Variants in USP10 observed in about 807,000 individuals in gnomAD.
USP10 encodes ubiquitin specific peptidase 10.
Under a neutral mutation model 84.5 loss-of-function variants are expected in USP10, and 22 were observed. The observed-to-expected ratio is 0.26, with a 90% CI of 0.19 to 0.37. USP10 has a LOEUF of 0.37. Among genes scored for constraint, USP10 ranks in the 10% least tolerant of loss-of-function variants. The pLI is 1.00. For synonymous variants in USP10, 454 were observed against 387.6 expected (o/e 1.17, Z -2.01); for missense variants, 1,019 against 998.9 (o/e 1.02, Z -0.27).
chr16:84,735,697 C>A (rs561574474), intron 2 of USP10, among the ~76,000 whole-genome samples: 1 of 152,230 alleles, frequency 6.6e-6, no homozygotes, highest in Non-Finnish European at 1.5e-5. Context: ...GAAGACGTGA[C>A]TGTGTCTCAT....
chr16:84,765,682 C>T (rs1210193424), intron 10 of USP10, among the ~76,000 whole-genome samples: 2 of 152,116 alleles, frequency 1.3e-5, no homozygotes, highest in African/African-American at 2.4e-5. Flanking sequence ...CATCCACAGA[C>T]AGTTGTTTCC....
intron 2 of USP10, among the ~76,000 whole-genome samples, chr16:84,739,795 A>G (rs550564445): frequency 1.3e-5 from 2 of 152,330 alleles, no homozygotes; most frequent in Non-Finnish European, 2.9e-5. Context: ...CTGTGTTAAA[A>G]AGGGAGCTGC....
intron 6 of USP10, among the ~76,000 whole-genome samples, 170 bp downstream of exon 6, chr16:84,759,642 A>G (rs557388361): frequency 1.3e-5 from 2 of 152,170 alleles, no homozygotes; most frequent in African/African-American, 4.8e-5. Context: ...CCAGAAATGG[A>G]ATTGGAGCAT....
At chr16:84,753,669 C>G (rs1009337305) in intron 4 of USP10, among the ~76,000 whole-genome samples, 3 of 152,354 alleles carry the variant, frequency 2.0e-5, no homozygotes, top group Non-Finnish European at 4.4e-5. Flanking sequence ...TTCTCAGGAG[C>G]TGTCATTTAG....
intron 11 of USP10, among the ~76,000 whole-genome samples, chr16:84,771,622 A>G (rs530168930): frequency 6.6e-6 from 1 of 152,178 alleles, no homozygotes; most frequent in Non-Finnish European, 1.5e-5. Flanking sequence ...TAATCTCAGC[A>G]CTTTGGGAGG....
At chr16:84,778,087 ATAAC>A (rs1475071884) in intron 13 of USP10, among the ~76,000 whole-genome samples, 2 of 74,746 alleles carry the variant, frequency 2.7e-5, no homozygotes, top group South Asian at 2.9e-4. Context: ...TTTTAAGTAA[ATAAC>A]TGTGTGTGTG....
intron 2 of USP10, among the ~76,000 whole-genome samples, chr16:84,737,356 T>C (rs375293690): frequency 5.3e-5 from 8 of 152,246 alleles, no homozygotes; most frequent in East Asian, 1.9e-4. Flanking sequence ...TTTTGAACTT[T>C]GTATTCTTAC....
chr16:84,727,319 C>T (rs1307134398), intron 1 of USP10, among the ~76,000 whole-genome samples: 7 of 152,154 alleles, frequency 4.6e-5, no homozygotes, highest in Non-Finnish European at 1.0e-4. Flanking sequence ...TTTACCCAAA[C>T]ACCTACAATT....
At chr16:84,732,150 G>T (rs369035180) in intron 1 of USP10, among the ~76,000 whole-genome samples, 5 of 152,168 alleles carry the variant, frequency 3.3e-5, no homozygotes, top group East Asian at 1.9e-4. Flanking sequence ...TACCAGGAGG[G>T]TATTACATTT....
intron 13 of USP10, among the ~76,000 whole-genome samples, chr16:84,777,513 A>T (rs1450437146): frequency 6.6e-6 from 1 of 152,164 alleles, no homozygotes; most frequent in East Asian, 1.9e-4. Flanking sequence ...GCAGCACAGG[A>T]TGAAGCTATG....
At chr16:84,734,061 G>A (rs1164209621) in intron 2 of USP10, among the ~76,000 whole-genome samples, 1 of 152,142 alleles carries the variant, frequency 6.6e-6, no homozygotes, top group South Asian at 2.1e-4. Context: ...TAGTTCAGCC[G>A]TTAAAAATAT....
chr16:84,755,769 G>C (rs1912460161), intron 4 of USP10, among the ~76,000 whole-genome samples: 1 of 146,818 alleles, frequency 6.8e-6, no homozygotes, highest in Non-Finnish European at 1.5e-5. Context: ...CTGCATTCCA[G>C]CCTGGGCGGC....
chr16:84,706,906 G>T (rs969298092), intron 1 of USP10, among the ~76,000 whole-genome samples: 1 of 145,294 alleles, frequency 6.9e-6, no homozygotes, highest in Non-Finnish European at 1.5e-5. Flanking sequence ...CATTGGAGAA[G>T]GAGAAACATA....
chr16:84,746,794 C>T (rs4782653), intron 4 of USP10, among the ~76,000 whole-genome samples: 107,268 of 152,100 alleles, frequency 0.71, 39,026 homozygotes, highest in East Asian at 0.95. Flanking sequence ...TAACCTTAAC[C>T]TACTGTAACT....
intron 1 of USP10, chr16:84,733,156 G>A (rs1473103530): frequency 1.9e-6 from 1 of 516,086 alleles, no homozygotes; most frequent in Non-Finnish European, 3.7e-6. Context: ...TCTCCTGCAA[G>A]CAGGACTCGA....
intron 11 of USP10, among the ~76,000 whole-genome samples, chr16:84,770,184 C>G: frequency 6.6e-6 from 1 of 152,118 alleles, no homozygotes; most frequent in Non-Finnish European, 1.5e-5. Context: ...ATGCTGCCAG[C>G]CGTTCTGGGT....
chr16:84,767,802 A>C (rs867031396), intron 10 of USP10, among the ~76,000 whole-genome samples: 1 of 150,614 alleles, frequency 6.6e-6, no homozygotes, highest in South Asian at 2.1e-4. Context: ...TTTTTTATTG[A>C]TAATTCTTGG....
rs142628702 is a variant in USP10 at position 84,765,995 on chromosome 16, T to C, written c.1832+1732T>C. Among the ~76,000 whole-genome samples, 121 of 152,338 alleles carry C rather than the reference T, an allele frequency of 7.9e-4. No homozygotes were observed. The East Asian group carries it at 0.022, about 28-fold the overall frequency. Reference sequence around the variant, plus strand: ...GAGGCCTCATTGGAGCCTAATTTCCTTTCTGAGGCCTTGCGGCATAACCCC... The same window carrying C: ...GAGGCCTCATTGGAGCCTAATTTCCCTTCTGAGGCCTTGCGGCATAACCCC... On this transcript the variant is annotated intron_variant, in intron 10 of 13. Coordinates refer to ENST00000219473, the MANE Select transcript of USP10 (RefSeq NM_005153.3).
chr16:84,775,355 G>C, intron 13 of USP10, 130 bp downstream of exon 13: 1 of 861,790 alleles, frequency 1.2e-6, no homozygotes, highest in Non-Finnish European at 1.9e-6. Context: ...GGCCTTGTGA[G>C]TCGGGGAGTC....
Sources: allele counts gnomAD v4.1 joint callset (sites outside exome capture counted in the v4.1 genomes callset), GRCh38; gene constraint gnomAD v4.1.1; transcripts MANE v1.5; gene names NCBI Gene and HGNC (gene_info 2026-07-23, HGNC 2026-07-21).